AGAP1: variants seen among roughly 807,000 people sequenced by gnomAD.
The protein encoded by AGAP1 is ArfGAP with GTPase domain, ankyrin repeat and PH domain 1.
AGAP1 carries 29 observed loss-of-function variants against 105.3 expected under a neutral mutation model. The observed-to-expected ratio is 0.28, with a 90% CI of 0.21 to 0.38. AGAP1 has a LOEUF of 0.38. Among genes scored for constraint, AGAP1 ranks in the 10% least tolerant of loss-of-function variants. The pLI, the probability that AGAP1 is intolerant of heterozygous loss-of-function variation, is 1.00. For synonymous variants in AGAP1, 509 were observed against 485.9 expected (o/e 1.05, Z -0.63); for missense variants, 998 against 1,165.1 (o/e 0.86, Z 2.09).
chr2:235,588,017 G>A (rs1208942182), intron 1 of AGAP1, among the ~76,000 whole-genome samples: 1 of 152,142 alleles, frequency 6.6e-6, no homozygotes, highest in East Asian at 1.9e-4. Context: ...ATCACCTGAG[G>A]TCAGGAGTTT....
At chr2:235,783,564 G>A (rs1013722545) in intron 6 of AGAP1, among the ~76,000 whole-genome samples, 1 of 152,314 alleles carries the variant, frequency 6.6e-6, no homozygotes, top group East Asian at 1.9e-4. Flanking sequence ...CAGAGATGTG[G>A]TTTGAAAACT....
intron 13 of AGAP1, among the ~76,000 whole-genome samples, chr2:236,033,726 A>G (rs1184122095): frequency 1.3e-5 from 2 of 152,236 alleles, no homozygotes; most frequent in African/African-American, 2.4e-5. Flanking sequence ...TGAGGACCAC[A>G]GTGACCGAGC....
At chr2:235,764,364 C>T (rs1016131173) in intron 6 of AGAP1, among the ~76,000 whole-genome samples, 17 of 152,166 alleles carry the variant, frequency 1.1e-4, no homozygotes, top group African/African-American at 4.1e-4. Flanking sequence ...TTCAGCCCCT[C>T]CCCGTTGCCC....
chr2:235,819,896 C>T (rs12470185), intron 9 of AGAP1, among the ~76,000 whole-genome samples: 83,054 of 143,374 alleles, frequency 0.58, 24,384 homozygotes, highest in Admixed American at 0.61. Flanking sequence ...TTTTTTTCTT[C>T]TTTCTTTCTT....
chr2:236,103,496 TTTTTCTTTTC>T (rs200555476), intron 16 of AGAP1, among the ~76,000 whole-genome samples: 1 of 151,750 alleles, frequency 6.6e-6, no homozygotes, highest in African/African-American at 2.4e-5. Context: ...TTGTCTTTCT[TTTTTCTTTTC>T]TTTTCTTTTC....
intron 1 of AGAP1, among the ~76,000 whole-genome samples, chr2:235,539,167 A>T (rs935499817): frequency 6.6e-6 from 1 of 152,254 alleles, no homozygotes; most frequent in African/African-American, 2.4e-5. Flanking sequence ...TGCTCTGCAC[A>T]CATGTGATTG....
rs570698766 is a variant in AGAP1 at position 236,058,898 on chromosome 2, C to G, written c.2114+9617C>G. ...CAAAACTCTTAGCTGGCCATGGTGG[C>G]ACAGTTCTGTAGTCCCAGCTACTCA... On this transcript the variant is annotated intron_variant, in intron 16 of 17. Transcript: ENST00000304032. The surrounding 1 kb of genome is among the most constrained non-coding windows in gnomAD (Gnocchi z 4.6). Among the ~76,000 whole-genome samples, 1 of 152,284 alleles carries G rather than the reference C, an allele frequency of 6.6e-6. No individual in the cohort carries two copies. The highest frequency in any genetic ancestry group is 2.1e-4 in the South Asian group (1 of 4,826).
rs1360043512 is a variant in AGAP1 at position 235,744,633 on chromosome 2, C to T, written c.397-65C>T. ...CCCCTGCTGCCTGCCGCCATGCAGA[C>T]ATCTCTGTTCTTAATCAAGCCTGCT... On this transcript the variant is annotated intron_variant, in intron 4 of 17. Coordinates refer to ENST00000304032, the MANE Select transcript of AGAP1 (RefSeq NM_001037131.3). The surrounding 1 kb of genome is among the most constrained non-coding windows in gnomAD (Gnocchi z 5.2). The T allele has an allele frequency of 1.7e-5, 27 of 1,594,810 alleles. No individual in the cohort carries two copies. The highest frequency in any genetic ancestry group is 4.0e-5 in the African/African-American group (3 of 74,490).
At chr2:235,693,173 C>T (rs1256894241) in intron 1 of AGAP1, among the ~76,000 whole-genome samples, 1 of 152,102 alleles carries the variant, frequency 6.6e-6, no homozygotes, top group African/African-American at 2.4e-5. Context: ...TGAGCTCCCG[C>T]CTGAGGGTTT....
chr2:235,762,110 CAAAAAA>C (rs200107455), intron 6 of AGAP1, among the ~76,000 whole-genome samples: 34,458 of 100,978 alleles, frequency 0.34, 4,537 homozygotes, highest in Admixed American at 0.5. Flanking sequence ...AACTCCGTCT[CAAAAAA>C]AAAAAAAAAA....
At chr2:235,834,838 C>A (rs746055600) in intron 9 of AGAP1, among the ~76,000 whole-genome samples, 19 of 152,156 alleles carry the variant, frequency 1.2e-4, no homozygotes, top group Non-Finnish European at 2.2e-4. Flanking sequence ...CTTAGAGGCT[C>A]GGGTCTAGTG....
rs1410562700 is a variant in AGAP1 at position 235,842,085 on chromosome 2, G to A, written c.1050+34754G>A. On this transcript the variant is annotated intron_variant, in intron 9 of 17. Transcript: ENST00000304032. The surrounding 1 kb of genome is among the most constrained non-coding windows in gnomAD (Gnocchi z 5.3). ...TCATGTGGAGGAGGGCCTCTCGTTG[G>A]AAGCCCAGGCTCACTCCATGGCTGC... Among the ~76,000 whole-genome samples, 1 of 152,190 alleles carries A rather than the reference G, an allele frequency of 6.6e-6. No homozygotes were observed. Among genetic ancestry groups the A allele is most frequent in the African/African-American group, 2.4e-5 (1 of 41,446 alleles).
intron 9 of AGAP1, among the ~76,000 whole-genome samples, chr2:235,850,313 A>T (rs544134214): frequency 6.6e-6 from 1 of 152,378 alleles, no homozygotes; most frequent in Admixed American, 6.5e-5. Flanking sequence ...CTCCATAGCC[A>T]CAAGTGACTG....
At chr2:235,630,209 C>T (rs548428638) in intron 1 of AGAP1, among the ~76,000 whole-genome samples, 3 of 152,128 alleles carry the variant, frequency 2.0e-5, no homozygotes, top group African/African-American at 4.8e-5. Context: ...TCCTCCTAAA[C>T]GTCTTTCTGT....
chr2:236,118,358 C>G (rs1279715036), intron 16 of AGAP1, among the ~76,000 whole-genome samples: 1 of 149,690 alleles, frequency 6.7e-6, no homozygotes, highest in Non-Finnish European at 1.5e-5. Context: ...TCCCTTCTTA[C>G]ATGTAGGGCT....
chr2:235,689,354 G>A lies in AGAP1; in HGVS notation c.164-19825G>A, dbSNP rs1949627109. 6.6e-6 allele frequency among the ~76,000 whole-genome samples: 1 copy of A among 152,236 alleles called. No individual in the cohort carries two copies. The highest frequency in any genetic ancestry group is 2.4e-5 in the African/African-American group (1 of 41,460). On this transcript the variant is annotated intron_variant, in intron 1 of 17. Coordinates refer to ENST00000304032, the MANE Select transcript of AGAP1 (RefSeq NM_001037131.3). This position sits in a 1 kb window ranked among gnomAD's most constrained non-coding sequence, Gnocchi z 4.2. ...GCGGGCCTGGAGTGAGCCTGCTGCT[G>A]TTCATCGGCCCGTAGGGTCTCCAGC...
At chr2:235,779,025 G>A (rs1267286875) in intron 6 of AGAP1, among the ~76,000 whole-genome samples, 1 of 152,186 alleles carries the variant, frequency 6.6e-6, no homozygotes, top group Admixed American at 6.5e-5. Flanking sequence ...CCACAAAAGG[G>A]CCAGGTAACT....
In AGAP1 at chr2:235,550,183, C is replaced by T. The variant is rs1219442172; in HGVS notation, c.163+55334C>T. 2.0e-5 allele frequency among the ~76,000 whole-genome samples: 3 copies of T among 152,204 alleles called. No individual in the cohort carries two copies. The highest frequency in any genetic ancestry group is 1.5e-5 in the Non-Finnish European group (1 of 68,030). ...GCACACTCCCAGCACCCGTGGCAGT[C>T]TTAGCAGGTGGATTATCACCGAGCA... On this transcript the variant is annotated intron_variant, in intron 1 of 17. Coordinates refer to ENST00000304032, the MANE Select transcript of AGAP1 (RefSeq NM_001037131.3). The surrounding 1 kb of genome is among the most constrained non-coding windows in gnomAD (Gnocchi z 4.6).
At chr2:235,713,125 A>G (rs1950932962) in intron 2 of AGAP1, among the ~76,000 whole-genome samples, 1 of 152,208 alleles carries the variant, frequency 6.6e-6, no homozygotes, top group Non-Finnish European at 1.5e-5. Flanking sequence ...GTTGCTATGC[A>G]GAGAAGGCAC....
Sources: gnomAD v4.1 joint callset for allele counts (sites outside exome capture counted in the v4.1 genomes callset) on GRCh38, gnomAD v4.1.1 for gene constraint, Gnocchi (gnomAD v3.1) non-coding constraint, MANE v1.5 for transcripts, NCBI Gene and HGNC (gene_info 2026-07-23, HGNC 2026-07-21) for gene names.